The following EMILIN2 variants were observed in gnomAD, a reference collection of about 807,000 sequenced individuals.
EMILIN2 encodes the protein elastin microfibril interfacer 2.
A neutral mutation model predicts 87.1 loss-of-function variants in EMILIN2; 71 were observed. The observed-to-expected ratio is 0.82, with a 90% confidence interval of 0.67 to 0.99. EMILIN2 has a LOEUF of 0.99. EMILIN2 is among the 50% of genes least tolerant of loss of function. The pLI, the probability that EMILIN2 is intolerant of heterozygous loss-of-function variation, is 0.00. For synonymous variants in EMILIN2, 581 were observed against 563.4 expected (o/e 1.03, Z -0.44); for missense variants, 1,407 against 1,371.8 (o/e 1.03, Z -0.40).
chr18:2,889,748 G>A (rs1480831373), intron 3 of EMILIN2, among the ~76,000 whole-genome samples: 3 of 126,578 alleles, frequency 2.4e-5, no homozygotes, highest in Admixed American at 9.9e-5. Flanking sequence ...TGCCAAGGAT[G>A]CCCTTGAACT....
chr18:2,909,595 C>A, intron 6 of EMILIN2, 96 bp from the exon 7 acceptor site: 1 of 1,487,462 alleles, frequency 6.7e-7, no homozygotes, highest in Non-Finnish European at 9.1e-7. Context: ...ATGGGCCTGG[C>A]ACCTGGGCCT....
intron 2 of EMILIN2, among the ~76,000 whole-genome samples, chr18:2,861,773 G>C (rs949481278): frequency 2.0e-5 from 3 of 152,168 alleles, no homozygotes; most frequent in Admixed American, 2.0e-4. Context: ...TGTGAAGAAA[G>C]TCATTGGTAG....
intron 2 of EMILIN2, among the ~76,000 whole-genome samples, chr18:2,879,243 G>A (rs146033435): frequency 1.6e-3 from 248 of 152,310 alleles, no homozygotes; most frequent in Non-Finnish European, 2.3e-3. Context: ...AATATTCTGC[G>A]ATGATGGAGA....
intron 2 of EMILIN2, among the ~76,000 whole-genome samples, chr18:2,873,947 T>G (rs2144000923): frequency 6.6e-6 from 1 of 152,218 alleles, no homozygotes; most frequent in Middle Eastern, 3.4e-3. Context: ...GTATCAAACC[T>G]TATACCCTCA....
At chr18:2,877,473 A>T (rs1363609153) in intron 2 of EMILIN2, among the ~76,000 whole-genome samples, 4 of 146,946 alleles carry the variant, frequency 2.7e-5, no homozygotes, top group Non-Finnish European at 5.9e-5. Flanking sequence ...AACATTTGTC[A>T]TAAGTAGTTT....
chr18:2,871,143 C>G (rs930296534), intron 2 of EMILIN2, among the ~76,000 whole-genome samples: 16 of 152,134 alleles, frequency 1.1e-4, no homozygotes, highest in Non-Finnish European at 5.9e-5. Context: ...GGGGGGCACA[C>G]AATTCAGTCC....
chr18:2,881,683 G>A (rs1256021990), intron 2 of EMILIN2, among the ~76,000 whole-genome samples: 1 of 152,160 alleles, frequency 6.6e-6, no homozygotes, highest in Non-Finnish European at 1.5e-5. Context: ...TCATCTCCTG[G>A]CCGATGAACA....
intron 2 of EMILIN2, among the ~76,000 whole-genome samples, chr18:2,871,488 C>A (rs773583379): frequency 4.7e-4 from 72 of 152,310 alleles, no homozygotes; most frequent in Non-Finnish European, 1.3e-4. Context: ...ACTCAGGAGA[C>A]TGGCAGTCCG....
intron 2 of EMILIN2, among the ~76,000 whole-genome samples, chr18:2,863,606 GT>G (rs1262731146): frequency 6.6e-6 from 1 of 152,098 alleles, no homozygotes; most frequent in Non-Finnish European, 1.5e-5. Context: ...AATTTCTGTT[GT>G]TTTACATTTG....
At position 2,891,545 on chromosome 18, in the gene EMILIN2, A is replaced by G; in HGVS notation, c.1418A>G (p.Glu473Gly). 6.2e-7 allele frequency: 1 copy of G among 1,614,188 alleles called. No individual in the cohort carries two copies. Among genetic ancestry groups the G allele is most frequent in the Non-Finnish European group, 8.5e-7 (1 of 1,180,050 alleles). ...NAEEHCFYIE[E>G]TLRGAINGEV... ...GAAGAACATTGCTTTTACATTGAGG[A>G]AACCCTTCGGGGCGCCATTAATGGA... The change falls in exon 4 of 8, where the codon GAA becomes GGA. Residue 473 changes from glutamate to glycine, a missense_variant. Coordinates refer to ENST00000254528, the MANE Select transcript of EMILIN2 (RefSeq NM_032048.3). This position sits in a 1 kb window ranked among gnomAD's most constrained non-coding sequence, Gnocchi z 4.6.
rs1478773482 is a variant in EMILIN2 at position 2,879,515 on chromosome 18, G to T, written c.258-5449G>T. Among the ~76,000 whole-genome samples, 5 of 151,788 alleles carry T rather than the reference G, an allele frequency of 3.3e-5. No individual in the cohort carries two copies. The East Asian group carries it at 5.9e-4, about 18-fold the overall frequency. Reference sequence around the variant, plus strand: ...CTCTAAGAAAAATACAAAAAAATTAGCCAGGCGTGGTGGCACATGCCTGTA... The same window carrying T: ...CTCTAAGAAAAATACAAAAAAATTATCCAGGCGTGGTGGCACATGCCTGTA... On this transcript the variant is annotated intron_variant, in intron 2 of 7. Coordinates refer to ENST00000254528, the MANE Select transcript of EMILIN2 (RefSeq NM_032048.3).
intron 2 of EMILIN2, among the ~76,000 whole-genome samples, chr18:2,870,833 T>A (rs573292691): frequency 6.6e-6 from 1 of 152,334 alleles, no homozygotes; most frequent in East Asian, 1.9e-4. Context: ...GGGAAGGATC[T>A]GTTCCAGGCC....
intron 4 of EMILIN2, among the ~76,000 whole-genome samples, chr18:2,903,664 T>C (rs1246300562): frequency 6.6e-6 from 1 of 152,206 alleles, no homozygotes; most frequent in Non-Finnish European, 1.5e-5. Context: ...TCTTAATTGG[T>C]AGTAGTGTTG....
intron 2 of EMILIN2, among the ~76,000 whole-genome samples, chr18:2,849,240 GA>G (rs2076591842): frequency 6.6e-6 from 1 of 152,156 alleles, no homozygotes; most frequent in African/African-American, 2.4e-5. Flanking sequence ...CTGTGGGAGT[GA>G]TACAAACTAA....
intron 2 of EMILIN2, among the ~76,000 whole-genome samples, chr18:2,883,485 AAG>A (rs2144022146): frequency 6.6e-6 from 1 of 152,348 alleles, no homozygotes; most frequent in South Asian, 2.1e-4. Context: ...GAAGAGCTTC[AAG>A]AGAGATGATT....
chr18:2,902,635 G>A (rs1458452152), intron 4 of EMILIN2, among the ~76,000 whole-genome samples: 2 of 152,170 alleles, frequency 1.3e-5, no homozygotes, highest in Admixed American at 6.5e-5. Context: ...CAAAGGAGGC[G>A]GGGGACTCAG....
At chr18:2,912,195 C>T (rs540666863) in intron 7 of EMILIN2, among the ~76,000 whole-genome samples, 67 of 151,214 alleles carry the variant, frequency 4.4e-4, no homozygotes, top group African/African-American at 1.6e-3. Flanking sequence ...CACGCCACCA[C>T]GCCCATCTAA....
intron 2 of EMILIN2, among the ~76,000 whole-genome samples, chr18:2,867,523 G>A (rs1257516592): frequency 2.0e-5 from 3 of 152,134 alleles, no homozygotes; most frequent in African/African-American, 2.4e-5. Flanking sequence ...GTGTCCCTGG[G>A]TACTTAAGAT....
chr18:2,871,968 G>T (rs1237156176), intron 2 of EMILIN2, among the ~76,000 whole-genome samples: 2 of 152,172 alleles, frequency 1.3e-5, no homozygotes, highest in East Asian at 3.9e-4. Context: ...AGGAGCAAAT[G>T]TTATAAATCT....
Sources: allele counts gnomAD v4.1 joint callset (sites outside exome capture counted in the v4.1 genomes callset), GRCh38; gene constraint gnomAD v4.1.1; non-coding constraint Gnocchi (gnomAD v3.1); transcripts MANE v1.5; gene names NCBI Gene and HGNC (gene_info 2026-07-23, HGNC 2026-07-21).